SPOCK1: variants seen among roughly 807,000 people sequenced by gnomAD.
The protein encoded by SPOCK1 is testican-1.
Under a neutral mutation model 55.3 loss-of-function variants are expected in SPOCK1, and 23 were observed. The ratio of observed to expected loss-of-function variants is 0.42; its 90% confidence interval spans 0.30 to 0.59. The LOEUF is 0.59. Ranked by LOEUF, SPOCK1 falls within the 20% of genes least tolerant of loss-of-function variation. SPOCK1 has a pLI of 0.22. For synonymous variants in SPOCK1, 226 were observed against 221.0 expected (o/e 1.02, Z -0.20); for missense variants, 499 against 552.5 (o/e 0.90, Z 0.97).
At chr5:137,132,425 T>C (rs1394969446) in intron 4 of SPOCK1, among the ~76,000 whole-genome samples, 1 of 152,088 alleles carries the variant, frequency 6.6e-6, no homozygotes, top group Non-Finnish European at 1.5e-5. Flanking sequence ...TCTAATCCAC[T>C]GAAATCCGAT....
At chr5:137,158,344 G>A (rs986856116) in intron 3 of SPOCK1, among the ~76,000 whole-genome samples, 1 of 152,158 alleles carries the variant, frequency 6.6e-6, no homozygotes. Flanking sequence ...CCAGCCTCTC[G>A]CAGGCTCTGG....
intron 6 of SPOCK1, among the ~76,000 whole-genome samples, chr5:137,063,266 T>C (rs931289996): frequency 7.2e-6 from 1 of 138,448 alleles, no homozygotes; most frequent in Non-Finnish European, 1.6e-5. Context: ...AAGAAAGAAA[T>C]ATTCGGAAAT....
At chr5:137,362,330 CTTT>C (rs745634969) in intron 2 of SPOCK1, among the ~76,000 whole-genome samples, 4 of 136,604 alleles carry the variant, frequency 2.9e-5, no homozygotes, top group South Asian at 2.3e-4. Context: ...CGTCAGCAAC[CTTT>C]TTTTTTTTTT....
At chr5:137,399,616 T>C (rs1751932348) in intron 2 of SPOCK1, among the ~76,000 whole-genome samples, 1 of 152,018 alleles carries the variant, frequency 6.6e-6, no homozygotes, top group African/African-American at 2.4e-5. Flanking sequence ...AGCCAAGAGA[T>C]ATGGGTGAAC....
chr5:137,044,431 G>T lies in SPOCK1; in HGVS notation c.589+23284C>A, dbSNP rs188205800. 4.6e-4 allele frequency among the ~76,000 whole-genome samples: 70 copies of T among 152,266 alleles called. No individual in the cohort carries two copies. The East Asian group carries it at 8.7e-3, about 19-fold the overall frequency. On this transcript the variant is annotated intron_variant, in intron 6 of 10. Transcript: ENST00000394945. ...AGAAAATAGAATGAAGTACTTAAACGCCCAGGTGGAAGAGTAAGAATAATC... is the reference window on the plus strand; with the variant it reads ...AGAAAATAGAATGAAGTACTTAAACTCCCAGGTGGAAGAGTAAGAATAATC...
chr5:137,014,674 C>T (rs1282671479), intron 6 of SPOCK1, among the ~76,000 whole-genome samples: 1 of 152,154 alleles, frequency 6.6e-6, no homozygotes, highest in African/African-American at 2.4e-5. Context: ...TATACCTGAG[C>T]TTATCACCCA....
intron 6 of SPOCK1, among the ~76,000 whole-genome samples, chr5:137,003,130 G>T (rs540494124): frequency 6.6e-6 from 1 of 152,316 alleles, no homozygotes; most frequent in South Asian, 2.1e-4. Flanking sequence ...TTGGGGCCAG[G>T]TGCAGTGGCT....
intron 3 of SPOCK1, among the ~76,000 whole-genome samples, chr5:137,193,891 T>C (rs921300013): frequency 6.6e-6 from 1 of 152,200 alleles, no homozygotes; most frequent in Non-Finnish European, 1.5e-5. Flanking sequence ...CGGTAATTTA[T>C]TTCCCCTTTA....
At chr5:137,343,173 G>A (rs1750475697) in intron 2 of SPOCK1, among the ~76,000 whole-genome samples, 1 of 152,238 alleles carries the variant, frequency 6.6e-6, no homozygotes, top group African/African-American at 2.4e-5. Context: ...TCACAAAGGG[G>A]AGGTCTGGGA....
At chr5:137,317,187 T>C (rs1351923013) in intron 2 of SPOCK1, among the ~76,000 whole-genome samples, 5 of 152,156 alleles carry the variant, frequency 3.3e-5, no homozygotes, top group Admixed American at 6.5e-5. Flanking sequence ...ACTACAGCCC[T>C]TGTCTCCCTC....
intron 3 of SPOCK1, among the ~76,000 whole-genome samples, chr5:137,143,860 G>A (rs925885783): frequency 2.0e-5 from 3 of 152,166 alleles, no homozygotes; most frequent in African/African-American, 7.2e-5. Context: ...AATGAGAGAT[G>A]CAGGACAAAC....
Position 137,441,978 on chromosome 5 carries a change from G to T in SPOCK1, c.186+56395C>A, listed in dbSNP as rs115219708. On this transcript the variant is annotated intron_variant, in intron 2 of 10. Coordinates refer to ENST00000394945, the MANE Select transcript of SPOCK1 (RefSeq NM_004598.4). ...CACCCCTAAAGGCCACAGGGTGTTT[G>T]ATAGCATCACAATTTCTTGAGTCTC... Among the ~76,000 whole-genome samples, 586 of 152,282 alleles carry T rather than the reference G, an allele frequency of 3.8e-3. 4 individuals carry two copies. The highest frequency in any genetic ancestry group is 0.013 in the African/African-American group (553 of 41,562).
intron 2 of SPOCK1, among the ~76,000 whole-genome samples, chr5:137,284,370 G>A (rs1333752825): frequency 6.6e-6 from 1 of 152,186 alleles, no homozygotes; most frequent in Non-Finnish European, 1.5e-5. Flanking sequence ...GCTACATGGA[G>A]AAATTATGAC....
intron 6 of SPOCK1, among the ~76,000 whole-genome samples, chr5:137,066,987 C>CACACACACACACACAGAGAGAGAGAG (rs1343691789): frequency 2.3e-4 from 32 of 139,582 alleles, no homozygotes; most frequent in Non-Finnish European, 3.7e-4. Flanking sequence ...CACACACACA[C>CACACACACACACACAGAGAGAGAGAG]AGAGAGAGAG....
chr5:137,227,918 A>T (rs1385644625), intron 3 of SPOCK1, among the ~76,000 whole-genome samples: 2 of 152,076 alleles, frequency 1.3e-5, no homozygotes, highest in Non-Finnish European at 1.5e-5. Context: ...GAACCACAAA[A>T]CTCTGTGATC....
At chr5:137,460,293 A>T (rs750532092) in intron 2 of SPOCK1, among the ~76,000 whole-genome samples, 21 of 151,898 alleles carry the variant, frequency 1.4e-4, no homozygotes, top group Non-Finnish European at 2.9e-4. Flanking sequence ...ACTGACCAGG[A>T]CTCCTCTGAA....
intron 2 of SPOCK1, among the ~76,000 whole-genome samples, chr5:137,453,208 A>T (rs1175707628): frequency 6.6e-6 from 1 of 152,216 alleles, no homozygotes; most frequent in Non-Finnish European, 1.5e-5. Flanking sequence ...CCAGAAAGTG[A>T]TTATGAAATT....
chr5:137,339,855 T>C (rs1177833132), intron 2 of SPOCK1, among the ~76,000 whole-genome samples: 1 of 152,104 alleles, frequency 6.6e-6, no homozygotes, highest in East Asian at 1.9e-4. Flanking sequence ...GAAAGCAAAT[T>C]GGAAGCCCCT....
chr5:137,158,766 T>C (rs866059442), intron 3 of SPOCK1, among the ~76,000 whole-genome samples: 1 of 151,782 alleles, frequency 6.6e-6, no homozygotes, highest in Non-Finnish European at 1.5e-5. Context: ...GGAGGGACCA[T>C]GGAGAAAGGA....
Sources: gnomAD v4.1 joint callset for allele counts (sites outside exome capture counted in the v4.1 genomes callset) on GRCh38, gnomAD v4.1.1 for gene constraint, MANE v1.5 for transcripts, NCBI Gene and HGNC (gene_info 2026-07-23, HGNC 2026-07-21) for gene names.